The following SUMF2 variants were observed in gnomAD, a reference collection of about 807,000 sequenced individuals.
The protein encoded by SUMF2 is inactive C-alpha-formylglycine-generating enzyme 2.
A neutral mutation model predicts 44.8 loss-of-function variants in SUMF2; 45 were observed. That is an observed-to-expected ratio of 1.00 (90% CI 0.79 to 1.29). SUMF2 has a LOEUF of 1.29. SUMF2 is among the 50% of genes most tolerant of loss of function. The probability of loss-of-function intolerance (pLI) is 0.00; values close to 1 mark genes in which losing one functional copy is unlikely to be tolerated. For synonymous variants in SUMF2, 148 were observed against 150.4 expected (o/e 0.98, Z 0.12); for missense variants, 418 against 389.9 (o/e 1.07, Z -0.61).
At chr7:56,083,497 A>G (rs1316236471), downstream of SUMF2, 5 of 1,589,228 alleles carry the variant, frequency 3.1e-6, no homozygotes, top group Middle Eastern at 1.7e-4. Flanking sequence ...GGTAACAGGC[A>G]GGGAGACACA....
intron 5 of SUMF2, 29 bp from the exon 6 acceptor site, chr7:56,076,805 C>T: frequency 6.4e-7 from 1 of 1,574,054 alleles, no homozygotes; most frequent in Non-Finnish European, 8.6e-7. Flanking sequence ...ACCTCCCCCT[C>T]CTCTGCTGCC....
At position 56,074,156 on chromosome 7, in the gene SUMF2, TCTC is replaced by T. The variant is rs1469524112; in HGVS notation, c.340-15_340-13del. 12 of 1,613,684 alleles carry T rather than the reference TCTC, an allele frequency of 7.4e-6. No individual in the cohort carries two copies. In the South Asian group the frequency reaches 9.9e-5, roughly 13 times the overall value. ...CTGGGCCGGAGCATCTTGCAGTCGG[TCTC>T]CTTCTTTTTCGCAGTCTGTACTCTG... On this transcript the variant is annotated splice_polypyrimidine_tract_variant and intron_variant, in intron 3 of 8. Transcript: ENST00000434526.
chr7:56,079,558 CA>C lies in SUMF2; in HGVS notation c.854del (p.Asn285ThrfsTer104). On this transcript the variant is annotated frameshift_variant, in exon 9 of 9. Transcript: ENST00000434526. LOFTEE classifies it high-confidence loss of function. ...GCAACACTCCAGATTCAGCCTCAGACAACCTCGGTTTCCGCTGTGCTGCAGA... is the reference window on the plus strand; with the variant it reads ...GCAACACTCCAGATTCAGCCTCAGACACCTCGGTTTCCGCTGTGCTGCAGA... ...MGNTPDSASDNLGFRCAADAG... is the reference protein window; with the variant it reads ...MGNTPDSASDXLGFRCAADAG... The C allele has an allele frequency of 6.2e-7, 1 of 1,614,002 alleles. No homozygotes were observed. Among genetic ancestry groups the C allele is most frequent in the Non-Finnish European group, 8.5e-7 (1 of 1,179,854 alleles).
intron 2 of SUMF2, among the ~76,000 whole-genome samples, chr7:56,069,076 A>G (rs1226097174): frequency 6.6e-6 from 1 of 152,140 alleles, no homozygotes; most frequent in African/African-American, 2.4e-5. Flanking sequence ...GCAGTGTACT[A>G]TGGGATATGT....
intron 1 of SUMF2, among the ~76,000 whole-genome samples, chr7:56,066,975 A>G (rs977323564): frequency 3.0e-4 from 45 of 152,228 alleles, no homozygotes; most frequent in African/African-American, 1.1e-3. Context: ...AAAGGTGCTC[A>G]TTCAACTATT....
the SUMF2 span, chr7:56,087,140 G>A: frequency 1.3e-6 from 1 of 766,208 alleles, no homozygotes. Flanking sequence ...GCTGACAGGG[G>A]AATCAGGAGG....
At chr7:56,082,127 C>G (rs1335639382), downstream of SUMF2, 2 of 1,612,368 alleles carry the variant, frequency 1.2e-6, no homozygotes, top group Non-Finnish European at 8.5e-7. Context: ...CCTTGCCCAG[C>G]CTAGCTGGGT....
intron 3 of SUMF2, 127 bp from the exon 4 acceptor site, chr7:56,074,047 A>G: frequency 1.6e-6 from 1 of 618,982 alleles, no homozygotes. Flanking sequence ...AAAAAAAATC[A>G]GCCACAACCT....
At chr7:56,080,890 G>A, downstream of SUMF2, 1 of 794,922 alleles carries the variant, frequency 1.3e-6, no homozygotes. Context: ...CACTTCCCTT[G>A]TGCACAGCCT....
downstream of SUMF2, among the ~76,000 whole-genome samples, chr7:56,085,205 C>A (rs1373644690): frequency 6.6e-6 from 1 of 152,134 alleles, no homozygotes; most frequent in Non-Finnish European, 1.5e-5. Flanking sequence ...ATCTGATCCG[C>A]CTGCCTCAGC....
chr7:56,083,395 G>A (rs1206111609), downstream of SUMF2: 6 of 1,614,142 alleles, frequency 3.7e-6, no homozygotes, highest in Admixed American at 8.3e-5. Flanking sequence ...ACGATGTTGA[G>A]TTTGTGCAAG....
downstream of SUMF2, chr7:56,081,143 C>A: frequency 6.2e-7 from 1 of 1,613,896 alleles, no homozygotes; most frequent in Non-Finnish European, 8.5e-7. The surrounding 1 kb of genome is among the most constrained non-coding windows in gnomAD (Gnocchi z 4.6). Flanking sequence ...CCCTTCTTCA[C>A]CCAGTGGCCA....
At position 56,074,183 on chromosome 7, in the gene SUMF2, T is replaced by C. The variant is rs1562865761; in HGVS notation, c.349T>C (p.Trp117Arg). Residue 117 changes from tryptophan to arginine, a missense_variant, in exon 4 of 9, where the codon TGG becomes CGG. Physicochemically the swap from Trp to Arg is moderately radical, Grantham distance 101. Coordinates refer to ENST00000434526, the MANE Select transcript of SUMF2 (RefSeq NM_015411.4). ...KATQPMKSVL[W>R]WLPVEKAFWR... ...TCCTTCTTTTTCGCAGTCTGTACTCTGGTGGCTTCCAGTGGAAAAGGCATT... is the reference window on the plus strand; with the variant it reads ...TCCTTCTTTTTCGCAGTCTGTACTCCGGTGGCTTCCAGTGGAAAAGGCATT... The C allele has an allele frequency of 6.2e-7, 1 of 1,613,988 alleles. No individual in the cohort carries two copies. Among genetic ancestry groups the C allele is most frequent in the Non-Finnish European group, 8.5e-7 (1 of 1,180,030 alleles).
chr7:56,077,811 C>T (rs1387766441), intron 6 of SUMF2, among the ~76,000 whole-genome samples: 1 of 151,998 alleles, frequency 6.6e-6, no homozygotes, highest in Non-Finnish European at 1.5e-5. Context: ...TGTGGGGTTC[C>T]AGGCAGAGGG....
At chr7:56,087,102 C>A in the SUMF2 span, 5 of 1,076,828 alleles carry the variant, frequency 4.6e-6, no homozygotes, top group Non-Finnish European at 7.2e-6. Context: ...GGGTCAGGGA[C>A]CGAGGCTGCT....
chr7:56,086,426 A>T, the SUMF2 span, among the ~76,000 whole-genome samples: 7 of 152,206 alleles, frequency 4.6e-5, no homozygotes, highest in East Asian at 1.4e-3. Flanking sequence ...TAATCCCAGC[A>T]CTTTGGGAGG....
chr7:56,087,209 A>G, the SUMF2 span, among the ~76,000 whole-genome samples: 1 of 146,092 alleles, frequency 6.8e-6, no homozygotes, highest in Non-Finnish European at 1.5e-5. Context: ...TATTATTATT[A>G]TTATTATTAT....
At chr7:56,066,760 C>T (rs1178949343) in intron 1 of SUMF2, among the ~76,000 whole-genome samples, 5 of 152,248 alleles carry the variant, frequency 3.3e-5, no homozygotes, top group Admixed American at 2.6e-4. Context: ...GCTGGGATTA[C>T]AGGCACCTGA....
At chr7:56,075,183 G>T (rs117139840) in intron 5 of SUMF2, among the ~76,000 whole-genome samples, 1 of 142,054 alleles carries the variant, frequency 7.0e-6, no homozygotes, top group African/African-American at 2.6e-5. Context: ...GAGGACCAGT[G>T]TTTTTTTTTT....
Sources: gnomAD v4.1 joint callset for allele counts (sites outside exome capture counted in the v4.1 genomes callset) on GRCh38, gnomAD v4.1.1 for gene constraint, Gnocchi (gnomAD v3.1) non-coding constraint, MANE v1.5 for transcripts, NCBI Gene and HGNC (gene_info 2026-07-23, HGNC 2026-07-21) for gene names.